PRKAR2A: variants seen among roughly 807,000 people sequenced by gnomAD.
PRKAR2A encodes the protein protein kinase cAMP-dependent type II regulatory subunit alpha.
In PRKAR2A, 29 loss-of-function variants were observed where a neutral mutation model predicts 51.9. The ratio of observed to expected loss-of-function variants is 0.56; its 90% CI spans 0.42 to 0.76. The LOEUF (loss-of-function observed/expected upper bound fraction) is 0.76, where lower values mean the gene tolerates loss of function less well. PRKAR2A is among the 30% of genes least tolerant of loss of function. PRKAR2A has a pLI of 0.00. For missense variants in PRKAR2A, 445 were observed against 512.1 expected (o/e 0.87, Z 1.26); for synonymous variants, 178 against 186.2 (o/e 0.96, Z 0.36).
chr3:48,765,026 T>C lies in PRKAR2A; in HGVS notation c.851A>G (p.Asp284Gly), dbSNP rs1374377776. ...CACCTGAGTGATTATGCGTTCTCCA[T>C]CCTTATAGATCTTCTCTCCTATTAC... ...VDVIGEKIYKDGERIITQGEK... is the reference protein window; with the variant it reads ...VDVIGEKIYKGGERIITQGEK... The change falls in exon 8 of 11, where the codon GAT (aspartate) becomes GGT (glycine). Residue 284 changes from aspartate (D) to glycine (G), a missense_variant. Physicochemically the swap from Asp to Gly is moderately conservative, Grantham distance 94. Coordinates refer to ENST00000265563, the MANE Select transcript of PRKAR2A (RefSeq NM_004157.4). 2 of 1,614,050 alleles carry C rather than the reference T, an allele frequency of 1.2e-6. No homozygotes were observed. The highest frequency in any genetic ancestry group is 1.7e-6 in the Non-Finnish European group (2 of 1,180,012).
intron 5 of PRKAR2A, among the ~76,000 whole-genome samples, chr3:48,774,663 G>A (rs1392434182): frequency 6.6e-6 from 1 of 152,100 alleles, no homozygotes; most frequent in African/African-American, 2.4e-5. Context: ...GCATTCACAT[G>A]TGAGCAAGAA....
At chr3:48,839,652 A>G (rs2083345403) in intron 1 of PRKAR2A, among the ~76,000 whole-genome samples, 1 of 152,184 alleles carries the variant, frequency 6.6e-6, no homozygotes, top group Admixed American at 6.5e-5. Flanking sequence ...ACTCTTTCCA[A>G]TAGGATACAA....
At position 48,756,444 on chromosome 3, in the gene PRKAR2A, C is replaced by G. The variant is rs2081766661; in HGVS notation, c.874G>C (p.Gly292Arg). Residue 292 changes from glycine (G) to arginine (R), a missense_variant and splice_region_variant, in exon 9 of 11, where the codon GGT becomes CGT. Gly to Arg is a moderately radical substitution (Grantham distance 125). Transcript: ENST00000265563. ...ATGTAAAAGCTATCAGCCTTTTCAC[C>G]CTGAAAGAAAAGAGAGGTCAGGTCA... ...YKDGERIITQ[G>R]EKADSFYIIE... 6.2e-7 allele frequency: 1 copy of G among 1,613,166 alleles called. No individual in the cohort carries two copies. The highest frequency in any genetic ancestry group is 8.5e-7 in the Non-Finnish European group (1 of 1,179,388).
chr3:48,810,703 AT>A (rs1240108539), intron 1 of PRKAR2A, among the ~76,000 whole-genome samples: 1 of 152,204 alleles, frequency 6.6e-6, no homozygotes, highest in African/African-American at 2.4e-5. Flanking sequence ...AAATACATAT[AT>A]ATGTATATGT....
At chr3:48,769,705 G>A (rs905940801) in intron 6 of PRKAR2A, among the ~76,000 whole-genome samples, 3 of 151,924 alleles carry the variant, frequency 2.0e-5, no homozygotes, top group Non-Finnish European at 4.4e-5. Context: ...TCCAACTCCT[G>A]ACCTCAGGTG....
intron 1 of PRKAR2A, among the ~76,000 whole-genome samples, chr3:48,833,817 C>T (rs573621477): frequency 6.6e-6 from 1 of 151,794 alleles, no homozygotes; most frequent in South Asian, 2.1e-4. Flanking sequence ...AGGTGGATCA[C>T]CTGAGGTCAG....
chr3:48,745,174 C>A (rs1443639794), downstream of PRKAR2A, among the ~76,000 whole-genome samples: 2 of 128,126 alleles, frequency 1.6e-5, no homozygotes, highest in East Asian at 4.5e-4. Context: ...CGCACCCAGC[C>A]TTTTTTTTTT....
intron 4 of PRKAR2A, among the ~76,000 whole-genome samples, chr3:48,787,564 T>C (rs1279142238): frequency 6.6e-6 from 1 of 152,214 alleles, no homozygotes; most frequent in Non-Finnish European, 1.5e-5. Context: ...ACTTTCCTTA[T>C]AGTAACTTTA....
chr3:48,818,666 A>G (rs1251297752), intron 1 of PRKAR2A, among the ~76,000 whole-genome samples: 2 of 151,866 alleles, frequency 1.3e-5, no homozygotes, highest in South Asian at 2.1e-4. Context: ...AGGTGGGAGG[A>G]TGGCTTGAGC....
chr3:48,764,816 A>T (rs1398782009), intron 8 of PRKAR2A, among the ~76,000 whole-genome samples, 188 bp downstream of exon 8: 1 of 151,990 alleles, frequency 6.6e-6, no homozygotes, highest in African/African-American at 2.4e-5. Context: ...GTAGAGATGG[A>T]GTTTTACCAT....
intron 1 of PRKAR2A, among the ~76,000 whole-genome samples, chr3:48,829,647 TG>T (rs2083142751): frequency 7.4e-6 from 1 of 135,978 alleles, no homozygotes; most frequent in Admixed American, 7.1e-5. Flanking sequence ...CATAAATGTG[TG>T]TGTGTATACG....
chr3:48,826,215 A>G lies in PRKAR2A; in HGVS notation c.263-18531T>C, dbSNP rs1409329165. 2.6e-5 allele frequency among the ~76,000 whole-genome samples: 4 copies of G among 152,298 alleles called. No homozygotes were observed. In the East Asian group the frequency reaches 7.7e-4, roughly 29 times the overall value. On this transcript the variant is annotated intron_variant, in intron 1 of 10. Transcript: ENST00000265563. ...CGGGAGGTCAAGGCTGCAGTGAGCT[A>G]TGATCGCACCACTGCATTCCAGCCT...
intron 6 of PRKAR2A, among the ~76,000 whole-genome samples, chr3:48,769,602 G>C (rs13093792): frequency 6.6e-6 from 1 of 152,070 alleles, no homozygotes; most frequent in Non-Finnish European, 1.5e-5. Context: ...TTGGCTTCCA[G>C]AGTAGCTAGG....
intron 2 of PRKAR2A, among the ~76,000 whole-genome samples, chr3:48,800,819 C>T (rs537892223): frequency 2.0e-5 from 3 of 151,746 alleles, no homozygotes; most frequent in South Asian, 4.2e-4. Context: ...ACTACAGGCG[C>T]CCGCCACCAC....
rs1298918637 is a variant in PRKAR2A at position 48,847,787 on chromosome 3, ACCGCCGCCGCTGTCACTGGG to A, written c.-211_-192del. On this transcript the variant is annotated 5_prime_UTR_variant, in exon 1 of 11. Transcript: ENST00000265563. The surrounding 1 kb of genome is among the most constrained non-coding windows in gnomAD (Gnocchi z 4.4). ...CCTACGCTACCACGGCCGACCTGGCACCGCCGCCGCTGTCACTGGGCAGCCGCCGCCGCCGCGGGGACCGA... is the reference window on the plus strand; with the variant it reads ...CCTACGCTACCACGGCCGACCTGGCACAGCCGCCGCCGCCGCGGGGACCGA... The A allele has an allele frequency of 1.9e-5, 10 of 515,990 alleles. No homozygotes were observed. The highest frequency in any genetic ancestry group is 3.0e-5 in the Non-Finnish European group (10 of 332,994). The allele number at this position is 515,990 out of a possible 1,614,324, so 32.0% of individuals were successfully genotyped here.
intron 1 of PRKAR2A, among the ~76,000 whole-genome samples, chr3:48,829,673 CAT>C (rs2083143952): frequency 7.3e-6 from 1 of 136,702 alleles, no homozygotes. Context: ...TATACACACA[CAT>C]AAATGTGTGT....
intron 1 of PRKAR2A, among the ~76,000 whole-genome samples, chr3:48,840,567 C>CTTTTTTTTT (rs760883553): frequency 1.4e-5 from 1 of 69,468 alleles, no homozygotes; most frequent in Non-Finnish European, 2.7e-5. Context: ...TTGTTTTCAC[C>CTTTTTTTTT]TTTTTTTTTT....
At chr3:48,830,225 C>A (rs914690817) in intron 1 of PRKAR2A, among the ~76,000 whole-genome samples, 3 of 151,470 alleles carry the variant, frequency 2.0e-5, no homozygotes, top group African/African-American at 7.3e-5. Flanking sequence ...AAAACTAAGA[C>A]ACAAATGCAT....
At chr3:48,801,582 C>T (rs1362090493) in intron 2 of PRKAR2A, among the ~76,000 whole-genome samples, 3 of 152,120 alleles carry the variant, frequency 2.0e-5, no homozygotes, top group Non-Finnish European at 4.4e-5. Context: ...AGCTACCATG[C>T]CCAGCTTTAT....
Sources: allele counts gnomAD v4.1 joint callset (sites outside exome capture counted in the v4.1 genomes callset), GRCh38; gene constraint gnomAD v4.1.1; non-coding constraint Gnocchi (gnomAD v3.1); transcripts MANE v1.5; gene names NCBI Gene and HGNC (gene_info 2026-07-23, HGNC 2026-07-21).